The following AGAP1 variants were observed in gnomAD, a reference collection of about 807,000 sequenced individuals.
AGAP1 encodes the protein arf-GAP with GTPase, ANK repeat and PH domain-containing protein 1.
AGAP1 carries 29 observed loss-of-function variants against 105.3 expected under a neutral mutation model. That is an observed-to-expected ratio of 0.28 (90% confidence interval 0.21 to 0.38). The LOEUF (loss-of-function observed/expected upper bound fraction) is 0.38. AGAP1 is among the 10% of genes least tolerant of loss of function. The pLI, the probability that AGAP1 is intolerant of heterozygous loss-of-function variation, is 1.00. For missense variants in AGAP1, 998 were observed against 1,165.1 expected (o/e 0.86, Z 2.09); for synonymous variants, 509 against 485.9 (o/e 1.05, Z -0.63).
intron 16 of AGAP1, among the ~76,000 whole-genome samples, chr2:236,052,314 C>G (rs2057924215): frequency 6.6e-6 from 1 of 152,030 alleles, no homozygotes; most frequent in Admixed American, 6.6e-5. Context: ...TCAGCCTGCC[C>G]CCACCCCCAA....
intron 1 of AGAP1, among the ~76,000 whole-genome samples, chr2:235,666,025 T>C (rs1310785955): frequency 6.6e-6 from 1 of 152,200 alleles, no homozygotes; most frequent in East Asian, 1.9e-4. Context: ...AAGCATCTCA[T>C]AAACTTGGAA....
At chr2:235,644,738 C>G (rs778702313) in intron 1 of AGAP1, among the ~76,000 whole-genome samples, 4 of 152,106 alleles carry the variant, frequency 2.6e-5, no homozygotes, top group Non-Finnish European at 4.4e-5. Context: ...AGTAGTGTTG[C>G]GTCCATTGGT....
intron 13 of AGAP1, among the ~76,000 whole-genome samples, chr2:235,987,390 T>C (rs1225807866): frequency 1.3e-5 from 2 of 152,080 alleles, no homozygotes; most frequent in African/African-American, 2.4e-5. Context: ...TTTTTCTCTC[T>C]TCTTCTTTAT....
chr2:235,859,355 A>G (rs1476944541), intron 9 of AGAP1, among the ~76,000 whole-genome samples: 1 of 132,708 alleles, frequency 7.5e-6, no homozygotes, highest in Non-Finnish European at 1.6e-5. Flanking sequence ...CCCGGTGAGA[A>G]CCCCCATCCT....
At chr2:235,704,070 C>T (rs1950400216) in intron 1 of AGAP1, among the ~76,000 whole-genome samples, 1 of 152,204 alleles carries the variant, frequency 6.6e-6, no homozygotes, top group Non-Finnish European at 1.5e-5. Context: ...CCTGACCCCT[C>T]ACACCCATTT....
intron 11 of AGAP1, among the ~76,000 whole-genome samples, chr2:235,924,447 C>T (rs868491858): frequency 9.9e-5 from 15 of 152,208 alleles, no homozygotes; most frequent in African/African-American, 3.1e-4. Context: ...TCATTGTGCC[C>T]AATGCAGTAG....
At position 235,935,281 on chromosome 2, in the gene AGAP1, C is replaced by T. The variant is rs1337824028; in HGVS notation, c.1483+4358C>T. Among the ~76,000 whole-genome samples, 3 of 152,172 alleles carry T rather than the reference C, an allele frequency of 2.0e-5. No individual in the cohort carries two copies. The East Asian group carries it at 5.8e-4, about 29-fold the overall frequency. On this transcript the variant is annotated intron_variant, in intron 12 of 17. Coordinates refer to ENST00000304032, the MANE Select transcript of AGAP1 (RefSeq NM_001037131.3). The stretch of plus-strand genomic sequence containing the variant: ...GCCGTCTGCCGGCTTGCAAGCCGCA[C>T]GGAGGATTGGATCCCTCCTCTGCTG...
In AGAP1 at chr2:235,958,850, G is replaced by C. The variant is rs1371309427; in HGVS notation, c.1484-9612G>C. ...CTCTAGTCATGCTTGTCAGCTCTCC[G>C]AGTGAAAAGTGAAACTGCTTCTTTG... On this transcript the variant is annotated intron_variant, in intron 12 of 17. Coordinates refer to ENST00000304032, the MANE Select transcript of AGAP1 (RefSeq NM_001037131.3). This position sits in a 1 kb window ranked among gnomAD's most constrained non-coding sequence, Gnocchi z 4.1. 1.3e-5 allele frequency among the ~76,000 whole-genome samples: 2 copies of C among 152,314 alleles called. No individual in the cohort carries two copies. Among genetic ancestry groups the C allele is most frequent in the East Asian group, 1.9e-4 (1 of 5,176 alleles).
intron 1 of AGAP1, among the ~76,000 whole-genome samples, chr2:235,673,381 G>A (rs565374473): frequency 6.6e-6 from 1 of 152,318 alleles, no homozygotes; most frequent in East Asian, 1.9e-4. Flanking sequence ...ATGTCCATAG[G>A]ATGCAAGTCC....
chr2:236,028,441 C>T (rs2057122593), intron 13 of AGAP1, among the ~76,000 whole-genome samples: 2 of 152,180 alleles, frequency 1.3e-5, no homozygotes, highest in South Asian at 4.1e-4. Context: ...AGCTCATTCA[C>T]AAGTCTTTGT....
In AGAP1 at chr2:235,927,965, G is replaced by T. The variant is rs558868938; in HGVS notation, c.1325-2800G>T. ...GCATGCTTAATAATGACTTGACAGG[G>T]GTCTGATTGGGCATTGCAGTGTGGA... On this transcript the variant is annotated intron_variant, in intron 11 of 17. Coordinates refer to ENST00000304032, the MANE Select transcript of AGAP1 (RefSeq NM_001037131.3). This position sits in a 1 kb window ranked among gnomAD's most constrained non-coding sequence, Gnocchi z 4.4. 6.6e-5 allele frequency among the ~76,000 whole-genome samples: 10 copies of T among 152,280 alleles called. No homozygotes were observed. Among genetic ancestry groups the T allele is most frequent in the South Asian group, 2.1e-4 (1 of 4,820 alleles).
chr2:235,534,090 G>A (rs1249850749), intron 1 of AGAP1, among the ~76,000 whole-genome samples: 10 of 152,236 alleles, frequency 6.6e-5, no homozygotes, highest in Admixed American at 1.3e-4. Flanking sequence ...CCTGTGGGCC[G>A]CAGAAGGAGT....
intron 16 of AGAP1, among the ~76,000 whole-genome samples, chr2:236,098,799 T>A (rs1474955491): frequency 2.0e-5 from 3 of 151,508 alleles, no homozygotes; most frequent in East Asian, 2.0e-4. Flanking sequence ...TAATTTTTTT[T>A]AATTTTTATA....
intron 13 of AGAP1, among the ~76,000 whole-genome samples, chr2:236,008,175 A>G (rs960476552): frequency 2.0e-5 from 3 of 152,154 alleles, no homozygotes; most frequent in African/African-American, 4.8e-5. Flanking sequence ...CGGTAAAGTT[A>G]TTTTCCAGGC....
intron 16 of AGAP1, among the ~76,000 whole-genome samples, chr2:236,054,890 C>A: frequency 6.6e-6 from 1 of 152,076 alleles, no homozygotes; most frequent in East Asian, 1.9e-4. Flanking sequence ...TCCCCGGCTG[C>A]CCTCCCCCAG....
At chr2:235,902,717 A>G (rs2051126225) in intron 10 of AGAP1, among the ~76,000 whole-genome samples, 1 of 152,176 alleles carries the variant, frequency 6.6e-6, no homozygotes, top group Non-Finnish European at 1.5e-5. Context: ...TCCCACCAAA[A>G]AAGTGGCTGG....
chr2:236,102,898 T>A (rs566492214), intron 16 of AGAP1, among the ~76,000 whole-genome samples: 1 of 152,328 alleles, frequency 6.6e-6, no homozygotes, highest in Admixed American at 6.5e-5. Flanking sequence ...AACTTTTTTT[T>A]CAAAAGTCAT....
chr2:235,939,247 C>G (rs1452176442), intron 12 of AGAP1, among the ~76,000 whole-genome samples: 1 of 152,054 alleles, frequency 6.6e-6, no homozygotes, highest in Non-Finnish European at 1.5e-5. Flanking sequence ...CCTCTGCATC[C>G]TTTCCCGATG....
intron 3 of AGAP1, among the ~76,000 whole-genome samples, chr2:235,738,972 T>C (rs1952418695): frequency 6.6e-6 from 1 of 152,250 alleles, no homozygotes; most frequent in Admixed American, 6.5e-5. Context: ...CTACTATCAC[T>C]GTTGCAGACT....
Sources: gnomAD v4.1 joint callset for allele counts (sites outside exome capture counted in the v4.1 genomes callset) on GRCh38, gnomAD v4.1.1 for gene constraint, Gnocchi (gnomAD v3.1) non-coding constraint, MANE v1.5 for transcripts, NCBI Gene and HGNC (gene_info 2026-07-23, HGNC 2026-07-21) for gene names.